Variants in KIAA1328 observed in about 807,000 individuals in gnomAD.
KIAA1328 encodes the protein protein hinderin.
In KIAA1328, 52 loss-of-function variants were observed where a neutral mutation model predicts 68.1. The ratio of observed to expected loss-of-function variants is 0.76; its 90% CI spans 0.61 to 0.96. The LOEUF (loss-of-function observed/expected upper bound fraction) is 0.96. Among genes scored for constraint, KIAA1328 ranks in the 40% least tolerant of loss-of-function variants. The probability of loss-of-function intolerance (pLI) is 0.00; values close to 1 mark genes in which losing one functional copy is unlikely to be tolerated. For synonymous variants in KIAA1328, 232 were observed against 239.4 expected (o/e 0.97, Z 0.28); for missense variants, 641 against 677.6 (o/e 0.95, Z 0.60).
intron 4 of KIAA1328, among the ~76,000 whole-genome samples, chr18:36,865,637 G>A (rs2047724498): frequency 6.6e-6 from 1 of 152,046 alleles, no homozygotes; most frequent in South Asian, 2.1e-4. Flanking sequence ...TCCCTCTGCT[G>A]CACAGAAGTC....
intron 7 of KIAA1328, among the ~76,000 whole-genome samples, chr18:37,087,172 A>G (rs1156933915): frequency 6.6e-6 from 1 of 151,774 alleles, no homozygotes; most frequent in African/African-American, 2.4e-5. Context: ...GATCCTCCCC[A>G]CTCAGCCTCC....
At chr18:36,983,680 A>G (rs556012472) in intron 6 of KIAA1328, among the ~76,000 whole-genome samples, 2 of 152,260 alleles carry the variant, frequency 1.3e-5, no homozygotes, top group African/African-American at 4.8e-5. Flanking sequence ...TCACTGGTAA[A>G]TTCTACCAAA....
At chr18:36,999,685 C>T (rs1336817589) in intron 6 of KIAA1328, among the ~76,000 whole-genome samples, 2 of 151,928 alleles carry the variant, frequency 1.3e-5, no homozygotes, top group African/African-American at 4.8e-5. Flanking sequence ...AAAATTAGTC[C>T]TCATAAAGGA....
intron 9 of KIAA1328, among the ~76,000 whole-genome samples, chr18:37,187,575 C>G (rs888764302): frequency 6.6e-6 from 1 of 151,978 alleles, no homozygotes; most frequent in Admixed American, 6.6e-5. Context: ...GAAAGATATC[C>G]TGGATTAATG....
At chr18:36,938,097 G>T (rs1338759418) in intron 5 of KIAA1328, among the ~76,000 whole-genome samples, 1 of 152,140 alleles carries the variant, frequency 6.6e-6, no homozygotes, top group Non-Finnish European at 1.5e-5. Flanking sequence ...ACTGATTGCA[G>T]TTCCTTTGGG....
intron 7 of KIAA1328, chr18:37,075,064 G>A (rs1271387041): frequency 6.6e-6 from 1 of 152,086 alleles, no homozygotes; most frequent in East Asian, 1.9e-4. Flanking sequence ...AGGAAAAAAT[G>A]TTAAGGGCAG....
At position 37,176,204 on chromosome 18, in the gene KIAA1328, C is replaced by A. The variant is rs143158919; in HGVS notation, c.1523+3123C>A. On this transcript the variant is annotated intron_variant, in intron 9 of 9. Coordinates refer to ENST00000280020, the MANE Select transcript of KIAA1328 (RefSeq NM_020776.3). ...CCAAATATGAATAATGTATTGTAGA[C>A]TTGCAGTTACAATGTGTAATAAGTG... 2.7e-3 allele frequency among the ~76,000 whole-genome samples: 415 copies of A among 152,264 alleles called. 16 individuals are homozygous for A. In the East Asian group the frequency reaches 0.076, roughly 28 times the overall value.
intron 5 of KIAA1328, among the ~76,000 whole-genome samples, chr18:36,947,196 G>C (rs1488072651): frequency 2.0e-5 from 3 of 152,112 alleles, no homozygotes; most frequent in Non-Finnish European, 4.4e-5. Flanking sequence ...GTATTACATG[G>C]TAAGATAAAA....
chr18:36,899,393 A>G (rs552208238), intron 5 of KIAA1328, among the ~76,000 whole-genome samples: 1 of 151,960 alleles, frequency 6.6e-6, no homozygotes, highest in African/African-American at 2.4e-5. Flanking sequence ...ATGAATTATT[A>G]AATCAGAGTT....
At chr18:36,972,166 G>A (rs115761126) in intron 6 of KIAA1328, among the ~76,000 whole-genome samples, 37 of 152,256 alleles carry the variant, frequency 2.4e-4, no homozygotes, top group African/African-American at 8.2e-4. Context: ...CAGTTAAATG[G>A]GGAGAAAGAA....
chr18:37,114,311 C>G (rs555988302), intron 7 of KIAA1328, among the ~76,000 whole-genome samples: 44 of 152,314 alleles, frequency 2.9e-4, no homozygotes, highest in African/African-American at 1.0e-3. Context: ...CAAACTGTCT[C>G]TCAGACCACA....
At chr18:37,029,705 T>G (rs2054745464) in intron 6 of KIAA1328, among the ~76,000 whole-genome samples, 1 of 152,236 alleles carries the variant, frequency 6.6e-6, no homozygotes, top group Non-Finnish European at 1.5e-5. Flanking sequence ...TTGGTAATTT[T>G]GTCTGGTTTG....
intron 6 of KIAA1328, among the ~76,000 whole-genome samples, chr18:37,062,226 G>C (rs1193570005): frequency 6.6e-6 from 1 of 152,002 alleles, no homozygotes; most frequent in Non-Finnish European, 1.5e-5. Context: ...ATTCACTTTA[G>C]AAGAAGTTTA....
chr18:37,127,173 G>A (rs1008793954), intron 7 of KIAA1328, among the ~76,000 whole-genome samples: 2 of 152,124 alleles, frequency 1.3e-5, no homozygotes, highest in Non-Finnish European at 2.9e-5. Context: ...TAAGGAATCT[G>A]CAAAAAAGTT....
intron 7 of KIAA1328, among the ~76,000 whole-genome samples, chr18:37,142,623 ACACACACACACACCC>A (rs1344982968): frequency 6.6e-6 from 1 of 151,620 alleles, no homozygotes; most frequent in African/African-American, 2.4e-5. Context: ...ACACACACAA[ACACACACACACACCC>A]CACACACACA....
At chr18:37,053,606 G>A (rs1271148540) in intron 6 of KIAA1328, among the ~76,000 whole-genome samples, 1 of 152,156 alleles carries the variant, frequency 6.6e-6, no homozygotes, top group East Asian at 1.9e-4. Context: ...ACCCAAGACT[G>A]GGTAATTTAT....
At chr18:37,089,842 TGTG>T (rs2057219464) in intron 7 of KIAA1328, among the ~76,000 whole-genome samples, 1 of 152,230 alleles carries the variant, frequency 6.6e-6, no homozygotes, top group Non-Finnish European at 1.5e-5. Context: ...GGGTCATCTT[TGTG>T]TAAGCAATAA....
At chr18:36,909,739 A>G (rs1156779475) in intron 5 of KIAA1328, among the ~76,000 whole-genome samples, 4 of 152,224 alleles carry the variant, frequency 2.6e-5, no homozygotes, top group African/African-American at 7.2e-5. Flanking sequence ...GAACCAGTTT[A>G]CAGTCCCACC....
Position 36,893,465 on chromosome 18 carries a change from T to TTTGTGTG in KIAA1328, c.448+7794_448+7795insTGTGTGT, listed in dbSNP as rs1556812093. ...TGTGTGTGTGTGTGTGTGTGTGTTTTTGTGTGTGTGTGTGTGTGTGTGTGT... is the reference window on the plus strand; with the variant it reads ...TGTGTGTGTGTGTGTGTGTGTGTTTTTTGTGTGTGTGTGTGTGTGTGTGTGTGTGTGT... On this transcript the variant is annotated intron_variant, in intron 5 of 9. Transcript: ENST00000280020. Among the ~76,000 whole-genome samples, 376 of 120,626 alleles carry TTTGTGTG rather than the reference T, an allele frequency of 3.1e-3. 1 individual carries two copies. The highest frequency in any genetic ancestry group is 0.017 in the Middle Eastern group (4 of 236). The allele number at this position is 120,626 out of a possible 152,430, so 79.1% of individuals were successfully genotyped here. A position where few individuals can be genotyped will look rare whatever the true frequency, so the allele number is the denominator to read the frequency against.
Sources: gnomAD v4.1 joint callset for allele counts (sites outside exome capture counted in the v4.1 genomes callset) on GRCh38, gnomAD v4.1.1 for gene constraint, MANE v1.5 for transcripts, NCBI Gene and HGNC (gene_info 2026-07-23, HGNC 2026-07-21) for gene names.